The following DLG2 variants were observed in gnomAD, a reference collection of about 807,000 sequenced individuals.
The protein encoded by DLG2 is disks large homolog 2.
Under a neutral mutation model 132.5 loss-of-function variants are expected in DLG2, and 45 were observed. That is an observed-to-expected ratio of 0.34 (90% CI 0.27 to 0.44). The LOEUF is 0.44. DLG2 is among the 20% of genes least tolerant of loss of function. The pLI, the probability that DLG2 is intolerant of heterozygous loss-of-function variation, is 1.00. For synonymous variants in DLG2, 424 were observed against 419.6 expected (o/e 1.01, Z -0.13); for missense variants, 1,045 against 1,196.9 (o/e 0.87, Z 1.87).
chr11:84,761,615 A>C (rs188574237), intron 6 of DLG2, among the ~76,000 whole-genome samples: 1 of 152,296 alleles, frequency 6.6e-6, no homozygotes, highest in Non-Finnish European at 1.5e-5. Flanking sequence ...CCCATGTTGA[A>C]TGCTTCCTGA....
intron 7 of DLG2, among the ~76,000 whole-genome samples, chr11:84,527,046 G>T (rs1276520984): frequency 6.6e-6 from 1 of 152,044 alleles, no homozygotes; most frequent in African/African-American, 2.4e-5. Context: ...CCAAAGTGCT[G>T]GGATTACAGG....
At chr11:84,337,203 T>C (rs2098489647) in intron 7 of DLG2, among the ~76,000 whole-genome samples, 1 of 152,142 alleles carries the variant, frequency 6.6e-6, no homozygotes, top group African/African-American at 2.4e-5. Flanking sequence ...ATAGAGATGT[T>C]GTGAGGTCAT....
intron 7 of DLG2, among the ~76,000 whole-genome samples, chr11:84,429,879 T>C (rs1240136875): frequency 6.6e-6 from 1 of 152,168 alleles, no homozygotes; most frequent in East Asian, 1.9e-4. Context: ...CAATTAAAGT[T>C]TTGTAAACTA....
At chr11:85,316,068 A>G (rs2080650393) in intron 3 of DLG2, among the ~76,000 whole-genome samples, 1 of 151,992 alleles carries the variant, frequency 6.6e-6, no homozygotes, top group Non-Finnish European at 1.5e-5. Flanking sequence ...ATTACTGTTC[A>G]CCACTTATTA....
intron 6 of DLG2, among the ~76,000 whole-genome samples, chr11:84,958,677 T>C (rs2154107209): frequency 6.6e-6 from 1 of 152,306 alleles, no homozygotes; most frequent in Non-Finnish European, 1.5e-5. Flanking sequence ...GAGTAAACTC[T>C]GGTGGGAGTA....
chr11:85,380,577 T>G (rs180697613), intron 3 of DLG2, among the ~76,000 whole-genome samples: 2 of 152,298 alleles, frequency 1.3e-5, no homozygotes, highest in East Asian at 3.9e-4. Context: ...GGAAAATCCC[T>G]TGAACCTAGG....
At chr11:85,431,902 G>C (rs548057782) in intron 3 of DLG2, among the ~76,000 whole-genome samples, 2 of 152,298 alleles carry the variant, frequency 1.3e-5, no homozygotes, top group East Asian at 1.9e-4. Context: ...TCCTGTACAG[G>C]AGTGTTCCTA....
chr11:84,392,973 T>A (rs2098797938), intron 7 of DLG2, among the ~76,000 whole-genome samples: 1 of 152,102 alleles, frequency 6.6e-6, no homozygotes, highest in Non-Finnish European at 1.5e-5. Flanking sequence ...ATGAACATTT[T>A]AAAAAAAGTA....
chr11:83,938,686 A>G (rs2082019308), intron 14 of DLG2, among the ~76,000 whole-genome samples: 1 of 152,226 alleles, frequency 6.6e-6, no homozygotes, highest in African/African-American at 2.4e-5. Flanking sequence ...TGTGGCAGGT[A>G]TATAGTAAAA....
Position 84,932,147 on chromosome 11 carries a change from C to T in DLG2, c.357+179514G>A, listed in dbSNP as rs564423472. Among the ~76,000 whole-genome samples the T allele has an allele frequency of 2.0e-5, 3 of 152,200 alleles. No individual in the cohort carries two copies. In the East Asian group the frequency reaches 5.8e-4, roughly 29 times the overall value. On this transcript the variant is annotated intron_variant, in intron 6 of 27. Coordinates refer to ENST00000376104, the MANE Select transcript of DLG2 (RefSeq NM_001142699.3). ...ATTCATTCCCATTTGTCAATTTTTG[C>T]TTTTGTTGCAATTGCTTTTGGCATC...
chr11:83,612,664 A>T (rs1376653457), intron 19 of DLG2, among the ~76,000 whole-genome samples: 1 of 152,190 alleles, frequency 6.6e-6, no homozygotes, highest in East Asian at 1.9e-4. Context: ...CTATGAGAGT[A>T]GGTGCAGAGG....
intron 3 of DLG2, among the ~76,000 whole-genome samples, chr11:85,433,582 T>C (rs1213300636): frequency 6.6e-6 from 1 of 152,198 alleles, no homozygotes; most frequent in African/African-American, 2.4e-5. Context: ...GGGCATTACA[T>C]AATGGTAAAG....
rs1296277977 is a variant in DLG2 at position 85,560,857 on chromosome 11, T to C, written c.40+37800A>G. Among the ~76,000 whole-genome samples, 3 of 149,784 alleles carry C rather than the reference T, an allele frequency of 2.0e-5. 1 individual carries two copies. Among genetic ancestry groups the C allele is most frequent in the Non-Finnish European group, 4.5e-5 (3 of 67,248 alleles). On this transcript the variant is annotated intron_variant, in intron 3 of 27. Coordinates refer to ENST00000376104, the MANE Select transcript of DLG2 (RefSeq NM_001142699.3). ...GACTAGCCTAGGCAACATAGTGAGATATCGTCTCTACAAAAAATTTAAAAA... is the reference window on the plus strand; with the variant it reads ...GACTAGCCTAGGCAACATAGTGAGACATCGTCTCTACAAAAAATTTAAAAA...
chr11:83,876,154 T>C (rs965862664), intron 15 of DLG2, among the ~76,000 whole-genome samples: 1 of 152,184 alleles, frequency 6.6e-6, no homozygotes, highest in African/African-American at 2.4e-5. Flanking sequence ...CTTCTCATCT[T>C]ATAAGACTGG....
intron 21 of DLG2, among the ~76,000 whole-genome samples, chr11:83,516,776 A>G (rs2140234688): frequency 6.6e-6 from 1 of 152,040 alleles, no homozygotes; most frequent in East Asian, 1.9e-4. Context: ...TTTCTCCTTC[A>G]CTTATGAAGC....
chr11:85,136,988 T>C (rs888003142), intron 5 of DLG2, among the ~76,000 whole-genome samples: 11 of 151,998 alleles, frequency 7.2e-5, no homozygotes, highest in Admixed American at 2.6e-4. Context: ...TTTATATTAA[T>C]TATATACATA....
chr11:85,356,834 TAGAC>T (rs1297477661), intron 3 of DLG2, among the ~76,000 whole-genome samples: 2 of 150,690 alleles, frequency 1.3e-5, no homozygotes, highest in Admixed American at 1.3e-4. Flanking sequence ...ATAGAGATGA[TAGAC>T]AGACACACAC....
At chr11:84,877,512 CTTT>C (rs60339036) in intron 6 of DLG2, among the ~76,000 whole-genome samples, 1 of 57,442 alleles carries the variant, frequency 1.7e-5, no homozygotes, top group Non-Finnish European at 2.9e-5. Flanking sequence ...GCAACCCCTG[CTTT>C]TTTTTTTTTT....
At chr11:84,317,451 CA>C in intron 7 of DLG2, 1 of 945,434 alleles carries the variant, frequency 1.1e-6, no homozygotes. Flanking sequence ...CAAGACTGTA[CA>C]CTGTGTTACA....
Sources: allele counts gnomAD v4.1 joint callset (sites outside exome capture counted in the v4.1 genomes callset), GRCh38; gene constraint gnomAD v4.1.1; transcripts MANE v1.5; gene names NCBI Gene and HGNC (gene_info 2026-07-23, HGNC 2026-07-21).